Variants in RAD23B observed in about 807,000 individuals in gnomAD.
The protein encoded by RAD23B is lysine-specific demethylase RAD23B.
RAD23B carries 5 observed loss-of-function variants against 49.1 expected under a neutral mutation model. The ratio of observed to expected loss-of-function variants is 0.10; its 90% confidence interval spans 0.05 to 0.21. The LOEUF is 0.21. Among genes scored for constraint, RAD23B ranks in the 10% least tolerant of loss-of-function variants. The probability of loss-of-function intolerance (pLI) is 1.00; values close to 1 mark genes in which losing one functional copy is unlikely to be tolerated. For missense variants in RAD23B, 356 were observed against 486.7 expected (o/e 0.73, Z 2.53); for synonymous variants, 184 against 165.4 (o/e 1.11, Z -0.86).
chr9:107,311,780 G>C (rs769156266), intron 5 of RAD23B, 43 bp downstream of exon 5: 1 of 1,419,978 alleles, frequency 7.0e-7, no homozygotes, highest in South Asian at 1.3e-5. Context: ...TAAAGAGATA[G>C]GAAAGAGGTT....
Position 107,331,711 on chromosome 9 carries a change from C to T in RAD23B, c.*2055C>T, listed in dbSNP as rs868177885. 1.3e-6 allele frequency: 1 copy of T among 776,160 alleles called. No individual in the cohort carries two copies. The highest frequency in any genetic ancestry group is 2.4e-6 in the Non-Finnish European group (1 of 417,122). 48.1% of individuals were successfully genotyped at this position (776,160 alleles called of 1,614,324 possible). On this transcript the variant is annotated 3_prime_UTR_variant, in exon 10 of 10. Transcript: ENST00000358015. ...AAACAAAAAAAAAAAACAGCCTCTT[C>T]TTGGAAAGTGACAGCAGAAGGTGGC...
chr9:107,306,228 A>C, intron 3 of RAD23B, 151 bp from the exon 4 acceptor site: 2 of 671,332 alleles, frequency 3.0e-6, no homozygotes, highest in African/African-American at 1.8e-5. Context: ...GTTAATATTG[A>C]TCATTTATTG....
chr9:107,330,577 T>C lies in RAD23B; in HGVS notation c.*921T>C, dbSNP rs145941436. On this transcript the variant is annotated 3_prime_UTR_variant, in exon 10 of 10. Transcript: ENST00000358015. This position sits in a 1 kb window ranked among gnomAD's most constrained non-coding sequence, Gnocchi z 4.4. ...CAGAAACGTGTTTATCAGCAAGTCGTGAGTCAAACTGCTGCCTTTTAAAAA... is the reference window on the plus strand; with the variant it reads ...CAGAAACGTGTTTATCAGCAAGTCGCGAGTCAAACTGCTGCCTTTTAAAAA... 8.5e-5 allele frequency: 13 copies of C among 152,794 alleles called. No individual in the cohort carries two copies. The highest frequency in any genetic ancestry group is 2.9e-4 in the African/African-American group (12 of 41,584). The allele number at this position is 152,794 out of a possible 1,614,324, so 9.5% of individuals were successfully genotyped here.
At chr9:107,283,752 G>A (rs1234946313) in intron 1 of RAD23B, 57 bp downstream of exon 1, 24 of 1,329,590 alleles carry the variant, frequency 1.8e-5, no homozygotes, top group Non-Finnish European at 2.3e-5. Flanking sequence ...GGAGCGCCAG[G>A]AGCTCGTGGG....
intron 5 of RAD23B, among the ~76,000 whole-genome samples, chr9:107,313,401 A>G (rs1221635249): frequency 6.6e-6 from 1 of 151,962 alleles, no homozygotes; most frequent in African/African-American, 2.4e-5. Flanking sequence ...AATTTTGTGT[A>G]TTTTTAGTAG....
intron 4 of RAD23B, 31 bp downstream of exon 4, chr9:107,306,678 C>T: frequency 3.8e-6 from 6 of 1,585,568 alleles, no homozygotes; most frequent in Non-Finnish European, 5.2e-6. Flanking sequence ...CATTCTATCT[C>T]AAAATCCGTG....
chr9:107,293,403 A>G (rs1833423700), intron 1 of RAD23B, among the ~76,000 whole-genome samples: 1 of 152,168 alleles, frequency 6.6e-6, no homozygotes, highest in Admixed American at 6.6e-5. Flanking sequence ...GTACAGATTA[A>G]AAGAGTTAAT....
rs1478573656 is a variant in RAD23B at position 107,318,402 on chromosome 9, C to T, written c.554-350C>T. 6.6e-6 allele frequency among the ~76,000 whole-genome samples: 1 copy of T among 152,198 alleles called. No homozygotes were observed. The highest frequency in any genetic ancestry group is 1.5e-5 in the Non-Finnish European group (1 of 68,018). Reference sequence around the variant, plus strand: ...CTCACACCTGTTTCTCTGACCCTCTCATCTGCCTCCTCCTACTACTATTAA... The same window carrying T: ...CTCACACCTGTTTCTCTGACCCTCTTATCTGCCTCCTCCTACTACTATTAA... On this transcript the variant is annotated intron_variant, in intron 5 of 9. Coordinates refer to ENST00000358015, the MANE Select transcript of RAD23B (RefSeq NM_002874.5). The surrounding 1 kb of genome is among the most constrained non-coding windows in gnomAD (Gnocchi z 4.3).
At chr9:107,327,612 T>A (rs1186658910) in intron 9 of RAD23B, among the ~76,000 whole-genome samples, 10 of 152,228 alleles carry the variant, frequency 6.6e-5, no homozygotes, top group Admixed American at 5.2e-4. Flanking sequence ...CATTCCATTA[T>A]AATCAGAGAA....
At chr9:107,312,564 A>C (rs181458286) in intron 5 of RAD23B, among the ~76,000 whole-genome samples, 1 of 149,676 alleles carries the variant, frequency 6.7e-6, no homozygotes, top group East Asian at 2.0e-4. Flanking sequence ...TTTAGTGGCA[A>C]AACGGCAGTT....
At chr9:107,326,627 C>CTTTTTTTTTT (rs796381629) in intron 9 of RAD23B, among the ~76,000 whole-genome samples, 5 of 67,510 alleles carry the variant, frequency 7.4e-5, no homozygotes, top group Non-Finnish European at 1.1e-4. Context: ...TTTTGTATTT[C>CTTTTTTTTTT]TTTTTTTTTT....
chr9:107,288,991 T>G (rs929203717), intron 1 of RAD23B, among the ~76,000 whole-genome samples: 3 of 151,830 alleles, frequency 2.0e-5, no homozygotes, highest in African/African-American at 7.3e-5. Flanking sequence ...ACAGAAATCT[T>G]TGTTTCTTTG....
intron 1 of RAD23B, among the ~76,000 whole-genome samples, chr9:107,292,275 A>G (rs543090326): frequency 1.1e-4 from 17 of 152,198 alleles, no homozygotes; most frequent in Non-Finnish European, 2.1e-4. Context: ...GCAAAAAGCA[A>G]TGTAGTGCAC....
At chr9:107,324,142 G>A in intron 8 of RAD23B, 125 bp downstream of exon 8, 2 of 1,109,388 alleles carry the variant, frequency 1.8e-6, no homozygotes, top group Non-Finnish European at 2.6e-6. Context: ...TTTCTTCCAA[G>A]CTACACTTAG....
At position 107,331,428 on chromosome 9, in the gene RAD23B, G is replaced by A. The variant is rs1033145225; in HGVS notation, c.*1772G>A. On this transcript the variant is annotated 3_prime_UTR_variant, in exon 10 of 10. Coordinates refer to ENST00000358015, the MANE Select transcript of RAD23B (RefSeq NM_002874.5). ...TGAGGCATGAGAATTGCTTGAACCCGGGAAGTGAAGGTTGCCGTGAGCTGA... is the reference window on the plus strand; with the variant it reads ...TGAGGCATGAGAATTGCTTGAACCCAGGAAGTGAAGGTTGCCGTGAGCTGA... The A allele has an allele frequency of 6.7e-5, 26 of 390,684 alleles. No homozygotes were observed. The highest frequency in any genetic ancestry group is 1.0e-4 in the Non-Finnish European group (22 of 219,154). The allele number at this position is 390,684 out of a possible 1,614,324, so 24.2% of individuals were successfully genotyped here.
chr9:107,320,962 T>C (rs1827098413), intron 6 of RAD23B, among the ~76,000 whole-genome samples: 2 of 152,220 alleles, frequency 1.3e-5, no homozygotes, highest in Admixed American at 1.3e-4. Context: ...ATTTATCATC[T>C]TATTCAATTG....
At chr9:107,284,772 CA>C in intron 1 of RAD23B, 1 of 1,122,346 alleles carries the variant, frequency 8.9e-7, no homozygotes, top group Non-Finnish European at 1.1e-6. Context: ...GGGTGGAGAT[CA>C]GGGGCTTTGG....
At position 107,318,226 on chromosome 9, in the gene RAD23B, A is replaced by G. The variant is rs11573681; in HGVS notation, c.554-526A>G. On this transcript the variant is annotated intron_variant, in intron 5 of 9. Transcript: ENST00000358015. The surrounding 1 kb of genome is among the most constrained non-coding windows in gnomAD (Gnocchi z 4.3). ...AGAAGTGTGACACAGGGCTCACTGT[A>G]CTAAAATCAGGGAGCCGGCATTCCT... Among the ~76,000 whole-genome samples, 252 of 152,322 alleles carry G rather than the reference A, an allele frequency of 1.7e-3. 4 individuals carry two copies. The South Asian group carries it at 0.027, about 16-fold the overall frequency.
At chr9:107,324,625 T>G (rs987162215) in intron 8 of RAD23B, among the ~76,000 whole-genome samples, 11 of 152,208 alleles carry the variant, frequency 7.2e-5, no homozygotes, top group African/African-American at 2.2e-4. Flanking sequence ...AGAATTTGAA[T>G]TTCTTCACTG....
Sources: gnomAD v4.1 joint callset for allele counts (sites outside exome capture counted in the v4.1 genomes callset) on GRCh38, gnomAD v4.1.1 for gene constraint, Gnocchi (gnomAD v3.1) non-coding constraint, MANE v1.5 for transcripts, NCBI Gene and HGNC (gene_info 2026-07-23, HGNC 2026-07-21) for gene names.